Variants in LINGO2 observed in about 807,000 individuals in gnomAD.
The protein encoded by LINGO2 is leucine rich repeat and Ig domain containing 2, also known as leucine-rich repeat and immunoglobulin-like domain-containing nogo receptor-interacting protein 2.
LINGO2 carries 14 observed loss-of-function variants against 30.6 expected under a neutral mutation model. The observed-to-expected ratio is 0.46, with a 90% CI of 0.30 to 0.72. LINGO2 has a LOEUF of 0.72. Ranked by LOEUF, LINGO2 falls within the 30% of genes least tolerant of loss-of-function variation. The pLI is 0.07. For synonymous variants in LINGO2, 317 were observed against 288.5 expected (o/e 1.10, Z -1.00); for missense variants, 729 against 751.7 (o/e 0.97, Z 0.35).
At chr9:28,569,926 A>G (rs545082214) in intron 1 of LINGO2, among the ~76,000 whole-genome samples, 1 of 152,056 alleles carries the variant, frequency 6.6e-6, no homozygotes, top group East Asian at 1.9e-4. Flanking sequence ...TTTATTTGGC[A>G]AAAAATAAAG....
intron 4 of LINGO2, among the ~76,000 whole-genome samples, chr9:28,012,810 A>G (rs1050146625): frequency 2.1e-4 from 32 of 149,982 alleles, no homozygotes; most frequent in African/African-American, 7.5e-4. Flanking sequence ...CACTTTTATG[A>G]TATCTCCATT....
the LINGO2 span, among the ~76,000 whole-genome samples, chr9:29,085,125 G>T: frequency 0.2 from 29,944 of 151,108 alleles, 3,108 homozygotes; most frequent in African/African-American, 0.24. Context: ...TTCCTAAATC[G>T]ATCTATTTTA....
At chr9:28,304,616 C>A (rs1824273652) in intron 3 of LINGO2, among the ~76,000 whole-genome samples, 1 of 151,924 alleles carries the variant, frequency 6.6e-6, no homozygotes, top group African/African-American at 2.4e-5. Context: ...TGTTCTTGAG[C>A]TTTATATAAA....
intron 1 of LINGO2, among the ~76,000 whole-genome samples, chr9:28,504,228 A>G (rs1170962786): frequency 1.3e-5 from 2 of 151,932 alleles, no homozygotes; most frequent in Admixed American, 6.6e-5. Flanking sequence ...TCATTTCTCT[A>G]TATTTTCCCA....
the LINGO2 span, among the ~76,000 whole-genome samples, chr9:28,963,060 G>A: frequency 1.3e-4 from 20 of 151,768 alleles, no homozygotes; most frequent in African/African-American, 4.8e-4. Flanking sequence ...TAAGTGTTTA[G>A]CGCTGACAAT....
chr9:29,096,269 C>A, the LINGO2 span, among the ~76,000 whole-genome samples: 2 of 138,714 alleles, frequency 1.4e-5, 1 homozygote, highest in Non-Finnish European at 3.1e-5. Context: ...TAGATGGTGT[C>A]TACATTCTTT....
At chr9:28,929,531 G>T in the LINGO2 span, among the ~76,000 whole-genome samples, 1 of 152,116 alleles carries the variant, frequency 6.6e-6, no homozygotes, top group South Asian at 2.1e-4. Context: ...CTGAGGCCTG[G>T]ACATATCTGG....
At chr9:28,038,892 C>T (rs1406218318) in intron 4 of LINGO2, among the ~76,000 whole-genome samples, 5 of 152,210 alleles carry the variant, frequency 3.3e-5, no homozygotes, top group South Asian at 2.1e-4. Flanking sequence ...ATTCACTTCC[C>T]TCAGACACCA....
chr9:29,076,298 T>C, the LINGO2 span, among the ~76,000 whole-genome samples: 7 of 152,058 alleles, frequency 4.6e-5, no homozygotes, highest in Non-Finnish European at 8.8e-5. Flanking sequence ...TATCTATATA[T>C]ATTTGCATGG....
the LINGO2 span, among the ~76,000 whole-genome samples, chr9:28,790,466 C>T: frequency 0.02 from 3,067 of 151,114 alleles, 91 homozygotes; most frequent in African/African-American, 0.069. Flanking sequence ...GTAGCTGGGA[C>T]TACAGGCGCC....
At position 28,336,977 on chromosome 9, in the gene LINGO2, C is replaced by G. The variant is rs528958784; in HGVS notation, c.-246+35859G>C. ...TTACATAGACAACTGTTTTGAAGTACTAAAATTTGAATCAACTTATTAAAA... is the reference window on the plus strand; with the variant it reads ...TTACATAGACAACTGTTTTGAAGTAGTAAAATTTGAATCAACTTATTAAAA... On this transcript the variant is annotated intron_variant, in intron 3 of 5. Coordinates refer to ENST00000379992, the Ensembl canonical transcript of LINGO2. Among the ~76,000 whole-genome samples, 295 of 151,328 alleles carry G rather than the reference C, an allele frequency of 1.9e-3. 1 individual carries two copies. Among genetic ancestry groups the G allele is most frequent in the Admixed American group, 3.8e-3 (57 of 15,190 alleles).
intron 2 of LINGO2, among the ~76,000 whole-genome samples, chr9:28,472,623 GT>G (rs910914439): frequency 2.6e-5 from 4 of 151,780 alleles, no homozygotes; most frequent in African/African-American, 4.8e-5. Flanking sequence ...TCTTCAACAA[GT>G]TTTTTTTCCC....
chr9:28,534,572 C>T (rs1821355221), intron 1 of LINGO2, among the ~76,000 whole-genome samples: 2 of 152,042 alleles, frequency 1.3e-5, no homozygotes. Context: ...AGCTCATTTT[C>T]TTTCTAAGAA....
At chr9:28,060,091 A>C (rs1825096148) in intron 4 of LINGO2, among the ~76,000 whole-genome samples, 1 of 151,912 alleles carries the variant, frequency 6.6e-6, no homozygotes, top group Non-Finnish European at 1.5e-5. Flanking sequence ...ATTAGAATAC[A>C]TAAATATGTA....
At chr9:27,995,667 A>G (rs1426272850) in intron 5 of LINGO2, among the ~76,000 whole-genome samples, 4 of 152,192 alleles carry the variant, frequency 2.6e-5, no homozygotes, top group Non-Finnish European at 4.4e-5. Flanking sequence ...ACATCACTGC[A>G]TGGTAAAAAC....
chr9:28,362,175 G>C (rs1237910892), intron 3 of LINGO2, among the ~76,000 whole-genome samples: 6 of 152,020 alleles, frequency 3.9e-5, no homozygotes, highest in Non-Finnish European at 5.9e-5. Flanking sequence ...AGCCAAACTA[G>C]GTTTATCATT....
the LINGO2 span, among the ~76,000 whole-genome samples, chr9:29,081,900 T>G: frequency 6.6e-6 from 1 of 151,798 alleles, no homozygotes; most frequent in African/African-American, 2.4e-5. Flanking sequence ...CAAGGAGAAC[T>G]ACAAACCACT....
chr9:28,790,508 T>TA, the LINGO2 span, among the ~76,000 whole-genome samples: 1 of 150,942 alleles, frequency 6.6e-6, no homozygotes, highest in Non-Finnish European at 1.5e-5. Flanking sequence ...TTTTGTATTT[T>TA]TTTTTTTAGT....
chr9:29,124,660 A>T, the LINGO2 span, among the ~76,000 whole-genome samples: 1 of 152,226 alleles, frequency 6.6e-6, no homozygotes, highest in African/African-American at 2.4e-5. Context: ...ACATGAAAAA[A>T]AGTTCAATAT....
Sources: allele counts gnomAD v4.1 joint callset (sites outside exome capture counted in the v4.1 genomes callset), GRCh38; gene constraint gnomAD v4.1.1; transcripts MANE v1.5; gene names NCBI Gene and HGNC (gene_info 2026-07-23, HGNC 2026-07-21).